Variants in AGR2 observed in about 807,000 individuals in gnomAD.
AGR2 encodes the protein anterior gradient 2, protein disulphide isomerase family member, also known as anterior gradient protein 2 homolog.
In AGR2, 27 loss-of-function variants were observed where a neutral mutation model predicts 25.9. The observed-to-expected ratio is 1.04, with a 90% CI of 0.77 to 1.44. AGR2 has a LOEUF of 1.44. Among genes scored for constraint, AGR2 ranks in the 40% most tolerant of loss-of-function variants. The pLI is 0.00. For missense variants in AGR2, 182 were observed against 200.9 expected, an observed-to-expected ratio of 0.91 and a Z score of 0.57; for synonymous variants, 78 against 72.0, an observed-to-expected ratio of 1.08 and a Z score of -0.42.
chr7:16,801,637 C>A (rs778800175), intron 2 of AGR2, 21 bp downstream of exon 2: 8 of 1,613,596 alleles, frequency 5.0e-6, no homozygotes, highest in Non-Finnish European at 6.8e-6. Context: ...AGTTGGAAGC[C>A]AACAAGAAGC....
At chr7:16,794,829 C>T (rs1785016852) in intron 7 of AGR2, 107 bp downstream of exon 7, 1 of 1,576,256 alleles carries the variant, frequency 6.3e-7, no homozygotes, top group Non-Finnish European at 8.6e-7. Context: ...CCGAGGCGTC[C>T]CTAAGCCTAG....
intron 6 of AGR2, among the ~76,000 whole-genome samples, chr7:16,795,670 A>G (rs1785033395): frequency 6.6e-6 from 1 of 152,186 alleles, no homozygotes; most frequent in South Asian, 2.1e-4. Context: ...AATGAGAAAA[A>G]GAGGTATTTT....
rs1369600827 is a variant in AGR2, at chr7:16,792,954, A to G, written c.482T>C (p.Leu161Pro). The part of the protein sequence containing the change: ...AYEPADTALL[L>P]DNMKKALKLL... ...CTTGAGAGCTTTCTTCATGTTGTCAAGCACTAATGGGGGATAAAAGCAGGA... is the reference window on the plus strand; with the variant it reads ...CTTGAGAGCTTTCTTCATGTTGTCAGGCACTAATGGGGGATAAAAGCAGGA... The change falls in exon 8 of 8, where the codon CTT (leucine) becomes CCT (proline). Residue 161 changes from leucine to proline, a missense_variant. By Grantham distance (98) the Leu-to-Pro change is moderately conservative. Coordinates refer to ENST00000419304, the MANE Select transcript of AGR2 (RefSeq NM_006408.4). 1 of 1,613,916 alleles carries G rather than the reference A, an allele frequency of 6.2e-7. No homozygotes were observed.
rs1332852584 is a variant in AGR2, at chr7:16,792,372, G to A, written c.*536C>T. 1.3e-5 allele frequency: 2 copies of A among 152,912 alleles called. No individual in the cohort carries two copies. Among genetic ancestry groups the A allele is most frequent in the African/African-American group, 4.8e-5 (2 of 41,460 alleles). 9.5% of individuals were successfully genotyped at this position (152,912 alleles called of 1,614,324 possible). A position where few individuals can be genotyped will look rare whatever the true frequency, so the allele number is the denominator to read the frequency against. On this transcript the variant is annotated 3_prime_UTR_variant, in exon 8 of 8. Coordinates refer to ENST00000419304, the MANE Select transcript of AGR2 (RefSeq NM_006408.4). ...TGAAAGTGTGTACCTTAGAGTTCCTGGCCAGAGTTGACTCTAGGTAGTGAT... is the reference window on the plus strand; with the variant it reads ...TGAAAGTGTGTACCTTAGAGTTCCTAGCCAGAGTTGACTCTAGGTAGTGAT...
intron 6 of AGR2, among the ~76,000 whole-genome samples, chr7:16,795,257 C>A (rs551984166): frequency 5.3e-5 from 8 of 151,742 alleles, no homozygotes; most frequent in Non-Finnish European, 1.2e-4. Context: ...GGTTATGAAC[C>A]CTTCTGTTCT....
At chr7:16,796,202 C>T (rs1288503352) in intron 6 of AGR2, among the ~76,000 whole-genome samples, 2 of 152,140 alleles carry the variant, frequency 1.3e-5, no homozygotes, top group East Asian at 3.9e-4. Flanking sequence ...TACTACGGAG[C>T]TAGAAGAGCA....
At chr7:16,795,335 T>G (rs1583805379) in intron 6 of AGR2, among the ~76,000 whole-genome samples, 1 of 148,678 alleles carries the variant, frequency 6.7e-6, no homozygotes, top group South Asian at 2.1e-4. Flanking sequence ...TTTTTTTTGG[T>G]GAAAACATTA....
chr7:16,801,864 G>A, intron 1 of AGR2, 61 bp from the exon 2 acceptor site: 1 of 1,495,106 alleles, frequency 6.7e-7, no homozygotes, highest in Non-Finnish European at 9.1e-7. Flanking sequence ...TTCAGGGTCT[G>A]CAGGTTGCCC....
chr7:16,804,267 T>TACACAC lies in AGR2; in HGVS notation c.-8+662_-8+667dup, dbSNP rs113991647. 5.6e-3 allele frequency among the ~76,000 whole-genome samples: 602 copies of TACACAC among 107,578 alleles called. 2 individuals are homozygous for TACACAC. Among genetic ancestry groups the TACACAC allele is most frequent in the South Asian group, 0.016 (43 of 2,724 alleles). 70.6% of individuals were successfully genotyped at this position (107,578 alleles called of 152,430 possible). A position where few individuals can be genotyped will look rare whatever the true frequency, so the allele number is the denominator to read the frequency against. ...ATTTGGAGACACACACAGACATAGG[T>TACACAC]ACACACACACACACACACACACACA... is the stretch of plus-strand genomic sequence containing the variant. On this transcript the variant is annotated intron_variant, in intron 1 of 7. Transcript: ENST00000419304.
intron 5 of AGR2, among the ~76,000 whole-genome samples, chr7:16,798,727 G>A (rs1031857583): frequency 6.6e-6 from 1 of 152,162 alleles, no homozygotes; most frequent in African/African-American, 2.4e-5. Flanking sequence ...GTGACTAGTA[G>A]CAGGAATACT....
At chr7:16,804,708 A>G (rs3817506) in intron 1 of AGR2, among the ~76,000 whole-genome samples, 25,486 of 152,002 alleles carry the variant, frequency 0.17, 2,315 homozygotes, top group South Asian at 0.27. Context: ...AAGAGAAAGC[A>G]TTTCTCTGAA....
In AGR2 at chr7:16,797,602, C is replaced by G. The variant is rs761206482; in HGVS notation, c.394+29G>C. ...GGATGGCAGCACTAGTATGTGTTTC[C>G]GAGTTATCTCACTGTCACTTCCGCT... On this transcript the variant is annotated intron_variant, in intron 6 of 7. Transcript: ENST00000419304. 20 of 1,608,168 alleles carry G rather than the reference C, an allele frequency of 1.2e-5. No individual in the cohort carries two copies. The East Asian group carries it at 3.6e-4, about 29-fold the overall frequency.
At chr7:16,804,331 G>T (rs188187205) in intron 1 of AGR2, among the ~76,000 whole-genome samples, 1 of 151,270 alleles carries the variant, frequency 6.6e-6, no homozygotes, top group Non-Finnish European at 1.5e-5. Context: ...ACTCATCACC[G>T]TATCCCTGTC....
At chr7:16,797,555 G>T in intron 6 of AGR2, 76 bp downstream of exon 6, 1 of 1,337,384 alleles carries the variant, frequency 7.5e-7, no homozygotes, top group Non-Finnish European at 1.1e-6. Flanking sequence ...CGTGGCAAGG[G>T]ACAGTGGGGA....
intron 1 of AGR2, among the ~76,000 whole-genome samples, chr7:16,803,384 C>T (rs1185588192): frequency 1.3e-5 from 2 of 152,130 alleles, no homozygotes; most frequent in African/African-American, 4.8e-5. Flanking sequence ...GAAACCCCGG[C>T]ACCTAACTCT....
Position 16,791,878 on chromosome 7 carries a change from A to T in AGR2, c.*1030T>A, listed in dbSNP as rs1318236310. The T allele has an allele frequency of 1.3e-5, 2 of 152,404 alleles. No homozygotes were observed. The highest frequency in any genetic ancestry group is 1.5e-5 in the Non-Finnish European group (1 of 68,066). The allele number at this position is 152,404 out of a possible 1,614,324, so 9.4% of individuals were successfully genotyped here. A position where few individuals can be genotyped will look rare whatever the true frequency, so the allele number is the denominator to read the frequency against. ...AGCAACAGATACTGCAAAGCATTAT[A>T]TACAGCACCATAGTCCAGGGGCCAA... On this transcript the variant is annotated 3_prime_UTR_variant, in exon 8 of 8. Coordinates refer to ENST00000419304, the MANE Select transcript of AGR2 (RefSeq NM_006408.4).
At chr7:16,794,239 A>G (rs939588916) in intron 7 of AGR2, among the ~76,000 whole-genome samples, 1 of 82,572 alleles carries the variant, frequency 1.2e-5, no homozygotes, top group African/African-American at 3.4e-5. Flanking sequence ...TGAATTTCTA[A>G]CTTTAACTTA....
rs3735249 is a variant in AGR2, at chr7:16,792,483, T to C, written c.*425A>G. The C allele has an allele frequency of 0.026, 4,212 of 164,494 alleles. 167 individuals are homozygous for C. The highest frequency in any genetic ancestry group is 0.083 in the East Asian group (494 of 5,944). The allele number at this position is 164,494 out of a possible 1,614,324, so 10.2% of individuals were successfully genotyped here. A position where few individuals can be genotyped will look rare whatever the true frequency, so the allele number is the denominator to read the frequency against. Reference sequence around the variant, plus strand: ...TTCTGTTGATTAAGCTCGTGTCTACTTACAGTCATCTAGTGAGAACCTGTG... The same window carrying C: ...TTCTGTTGATTAAGCTCGTGTCTACCTACAGTCATCTAGTGAGAACCTGTG... On this transcript the variant is annotated 3_prime_UTR_variant, in exon 8 of 8. Coordinates refer to ENST00000419304, the MANE Select transcript of AGR2 (RefSeq NM_006408.4).
At chr7:16,801,253 T>C in intron 3 of AGR2, 50 bp from the exon 4 acceptor site, 1 of 1,607,756 alleles carries the variant, frequency 6.2e-7, no homozygotes, top group Non-Finnish European at 8.5e-7. Flanking sequence ...ATTTCACATA[T>C]ATCTAGATGT....
Sources: gnomAD v4.1 joint callset for allele counts (sites outside exome capture counted in the v4.1 genomes callset) on GRCh38, gnomAD v4.1.1 for gene constraint, MANE v1.5 for transcripts, NCBI Gene and HGNC (gene_info 2026-07-23, HGNC 2026-07-21) for gene names.